Variants in GALNT15 observed in about 807,000 individuals in gnomAD.
GALNT15 encodes UDP-GalNAc transferase T15.
Under a neutral mutation model 66.8 loss-of-function variants are expected in GALNT15, and 67 were observed. That is an observed-to-expected ratio of 1.00 (90% confidence interval 0.82 to 1.23). The LOEUF (loss-of-function observed/expected upper bound fraction) is 1.23, where lower values mean the gene tolerates loss of function less well. Among genes scored for constraint, GALNT15 ranks in the 50% most tolerant of loss-of-function variants. The pLI is 0.00. For missense variants in GALNT15, 827 were observed against 804.3 expected (o/e 1.03, Z -0.34); for synonymous variants, 313 against 311.5 (o/e 1.00, Z -0.05).
In GALNT15 at chr3:16,224,819, A is replaced by G. The variant is rs370401302; in HGVS notation, c.1773+2061A>G. 6.6e-6 allele frequency among the ~76,000 whole-genome samples: 1 copy of G among 151,962 alleles called. No homozygotes were observed. The highest frequency in any genetic ancestry group is 1.5e-5 in the Non-Finnish European group (1 of 67,982). ...GCCCAGCTAATTTTGTATTTTTAGT[A>G]GAGACGGGGTTTCCTCCATGTTGGC... On this transcript the variant is annotated intron_variant, in intron 9 of 9. Coordinates refer to ENST00000339732, the MANE Select transcript of GALNT15 (RefSeq NM_054110.5). This position sits in a 1 kb window ranked among gnomAD's most constrained non-coding sequence, Gnocchi z 5.2.
chr3:16,197,668 G>A (rs1032216306), intron 2 of GALNT15, among the ~76,000 whole-genome samples: 17 of 152,174 alleles, frequency 1.1e-4, no homozygotes, highest in Non-Finnish European at 2.5e-4. Flanking sequence ...TCAGCTAGAT[G>A]GGTTTCAGGG....
At chr3:16,247,557 A>T in the GALNT15 span, among the ~76,000 whole-genome samples, 2 of 152,236 alleles carry the variant, frequency 1.3e-5, no homozygotes, top group Non-Finnish European at 2.9e-5. Context: ...TGCACCCTTC[A>T]ACGGGGCTTG....
At chr3:16,247,129 TG>T in the GALNT15 span, among the ~76,000 whole-genome samples, 1 of 152,028 alleles carries the variant, frequency 6.6e-6, no homozygotes, top group Non-Finnish European at 1.5e-5. Flanking sequence ...TGTGTGTGTG[TG>T]TGTGTCTGTT....
chr3:16,208,393 A>T, intron 3 of GALNT15, 110 bp from the exon 4 acceptor site: 1 of 982,834 alleles, frequency 1.0e-6, no homozygotes, highest in Non-Finnish European at 1.5e-6. Context: ...AACCCATTTT[A>T]GGTACGGGTG....
rs557114377 is a variant in GALNT15, at chr3:16,176,036, C to T, written c.539+346C>T. On this transcript the variant is annotated intron_variant, in intron 1 of 9. Transcript: ENST00000339732. The surrounding 1 kb of genome is among the most constrained non-coding windows in gnomAD (Gnocchi z 5.6). Reference sequence around the variant, plus strand: ...CCGTCCTGGGTTCTAGTTCTTCTGTCTTTAGGTCAAATGGCTTTATTTCTA... The same window carrying T: ...CCGTCCTGGGTTCTAGTTCTTCTGTTTTTAGGTCAAATGGCTTTATTTCTA... Among the ~76,000 whole-genome samples the T allele has an allele frequency of 6.6e-6, 1 of 152,274 alleles. No individual in the cohort carries two copies. Among genetic ancestry groups the T allele is most frequent in the South Asian group, 2.1e-4 (1 of 4,828 alleles).
intron 6 of GALNT15, among the ~76,000 whole-genome samples, chr3:16,214,234 G>A (rs114398044): frequency 0.016 from 2,394 of 152,250 alleles, 70 homozygotes; most frequent in African/African-American, 0.054. Flanking sequence ...TTCTTCTTTA[G>A]TCTCCTTCTC....
chr3:16,212,217 T>G (rs2063822794), intron 5 of GALNT15, among the ~76,000 whole-genome samples: 1 of 151,966 alleles, frequency 6.6e-6, no homozygotes, highest in South Asian at 2.1e-4. Context: ...GATCATCTTT[T>G]TCCCTGAGGA....
chr3:16,177,772 G>A (rs551811041), intron 1 of GALNT15, among the ~76,000 whole-genome samples: 1 of 152,340 alleles, frequency 6.6e-6, no homozygotes, highest in African/African-American at 2.4e-5. Flanking sequence ...TGTTGTAACT[G>A]TGTTTCTTGT....
rs776244969 is a variant in GALNT15 at position 16,175,538 on chromosome 3, A to T, written c.387A>T (p.Glu129Asp). ...LIKQPRRQDK[E>D]APKRDWGADE... ...AGCAGCCAAGGAGGCAGGATAAGGA[A>T]GCCCCAAAGAGGGACTGGGGGGCTG... is the stretch of plus-strand genomic sequence containing the variant. The change falls in exon 1 of 10, where the codon GAA (glutamate) becomes GAT (aspartate). Residue 129 changes from glutamate (E) to aspartate (D), a missense_variant. Transcript: ENST00000339732. This position sits in a 1 kb window ranked among gnomAD's most constrained non-coding sequence, Gnocchi z 5.6. The T allele has an allele frequency of 6.2e-7, 1 of 1,613,946 alleles. No homozygotes were observed. Among genetic ancestry groups the T allele is most frequent in the African/African-American group, 1.3e-5 (1 of 74,902 alleles).
chr3:16,194,215 G>A (rs1001774715), intron 1 of GALNT15, among the ~76,000 whole-genome samples: 3 of 152,214 alleles, frequency 2.0e-5, no homozygotes, highest in Non-Finnish European at 2.9e-5. Flanking sequence ...TTAATTATCA[G>A]ATGAATGTGC....
At chr3:16,222,893 G>C in intron 9 of GALNT15, 135 bp downstream of exon 9, 1 of 1,041,272 alleles carries the variant, frequency 9.6e-7, no homozygotes, top group Non-Finnish European at 1.4e-6. Context: ...TAGTGGCTGG[G>C]CAGTAAGGCC....
the GALNT15 span, among the ~76,000 whole-genome samples, chr3:16,238,622 TA>T: frequency 3.3e-5 from 5 of 152,164 alleles, no homozygotes; most frequent in Non-Finnish European, 7.3e-5. This position sits in a 1 kb window ranked among gnomAD's most constrained non-coding sequence, Gnocchi z 4.8. Context: ...ACAGGCAGAG[TA>T]ATTTTCCTAA....
At chr3:16,245,927 T>C in the GALNT15 span, among the ~76,000 whole-genome samples, 1 of 152,182 alleles carries the variant, frequency 6.6e-6, no homozygotes, top group African/African-American at 2.4e-5. Context: ...CAATATGGTA[T>C]ATGGGTAATA....
rs2063626456 is a variant in GALNT15 at position 16,195,763 on chromosome 3, T to C, written c.543T>C (p.Cys181=). The part of the protein sequence containing the change: ...RALPEVRHPL[C]LQQHPQDSLP... ...TCTCTGGCTCTCTTCCCTGCAGGTG[T>C]CTGCAGCAGCACCCTCAGGACAGCC... is the stretch of plus-strand genomic sequence containing the variant. Residue 181 remains cysteine (C), a synonymous_variant, in exon 2 of 10, where the codon TGT becomes TGC. Transcript: ENST00000339732. The surrounding 1 kb of genome is among the most constrained non-coding windows in gnomAD (Gnocchi z 4.6). 6.2e-7 allele frequency: 1 copy of C among 1,610,766 alleles called. No individual in the cohort carries two copies. The highest frequency in any genetic ancestry group is 1.3e-5 in the African/African-American group (1 of 74,838).
Position 16,208,680 on chromosome 3 carries a change from C to A in GALNT15, c.1079+10C>A. ...CCATAAGCCCCATCAGGTGAGTCCC[C>A]ATTTCACACCTGCTTTGCCATTGCC... On this transcript the variant is annotated intron_variant, in intron 4 of 9. Coordinates refer to ENST00000339732, the MANE Select transcript of GALNT15 (RefSeq NM_054110.5). 6.2e-7 allele frequency: 1 copy of A among 1,611,132 alleles called. No homozygotes were observed. The highest frequency in any genetic ancestry group is 8.5e-7 in the Non-Finnish European group (1 of 1,178,006).
Position 16,229,210 on chromosome 3 carries a change from T to C in GALNT15, c.*1710T>C. 2 of 985,428 alleles carry C rather than the reference T, an allele frequency of 2.0e-6. No homozygotes were observed. Among genetic ancestry groups the C allele is most frequent in the Non-Finnish European group, 2.4e-6 (2 of 829,900 alleles). The allele number at this position is 985,428 out of a possible 1,614,324, so 61.0% of individuals were successfully genotyped here. A position where few individuals can be genotyped will look rare whatever the true frequency, so the allele number is the denominator to read the frequency against. ...ACCTATCATAACTACGTATTCATTG[T>C]CTACCTGCTAAGTCAAGGGTTCACT... is the stretch of plus-strand genomic sequence containing the variant. On this transcript the variant is annotated 3_prime_UTR_variant, in exon 10 of 10. Coordinates refer to ENST00000339732, the MANE Select transcript of GALNT15 (RefSeq NM_054110.5).
rs568970893 is a variant in GALNT15 at position 16,227,958 on chromosome 3, A to G, written c.*458A>G. The G allele has an allele frequency of 1.5e-4, 151 of 993,874 alleles. 1 individual carries two copies. In the South Asian group the frequency reaches 6.0e-3, roughly 40 times the overall value. 61.6% of individuals were successfully genotyped at this position (993,874 alleles called of 1,614,324 possible). On this transcript the variant is annotated 3_prime_UTR_variant, in exon 10 of 10. Transcript: ENST00000339732. The surrounding 1 kb of genome is among the most constrained non-coding windows in gnomAD (Gnocchi z 4.5). ...AGCAGATGTAATGGCCTGACATTCC[A>G]AAAACTCTGAATTGGGTTTATTAGC...
At position 16,206,198 on chromosome 3, in the gene GALNT15, C is replaced by T. The variant is rs186626949; in HGVS notation, c.912-2305C>T. Among the ~76,000 whole-genome samples, 271 of 151,872 alleles carry T rather than the reference C, an allele frequency of 1.8e-3. 2 individuals are homozygous for T. Among genetic ancestry groups the T allele is most frequent in the African/African-American group, 5.5e-3 (229 of 41,392 alleles). ...TTCGAGACTAGCCTCAACAACATGG[C>T]GAAATCCCATTTCTACACGCACACA... On this transcript the variant is annotated intron_variant, in intron 3 of 9. Coordinates refer to ENST00000339732, the MANE Select transcript of GALNT15 (RefSeq NM_054110.5).
chr3:16,190,371 G>A lies in GALNT15; in HGVS notation c.540-5389G>A, dbSNP rs574160600. Reference sequence around the variant, plus strand: ...ATCCCTGGCTAGGCCGGGCATGGTGGCTGACGCCTGTAATCCCAGCACTTT... The same window carrying A: ...ATCCCTGGCTAGGCCGGGCATGGTGACTGACGCCTGTAATCCCAGCACTTT... On this transcript the variant is annotated intron_variant, in intron 1 of 9. Transcript: ENST00000339732. Among the ~76,000 whole-genome samples, 327 of 152,328 alleles carry A rather than the reference G, an allele frequency of 2.1e-3. 1 individual carries two copies. The highest frequency in any genetic ancestry group is 7.3e-3 in the African/African-American group (302 of 41,576).
Sources: gnomAD v4.1 joint callset for allele counts (sites outside exome capture counted in the v4.1 genomes callset) on GRCh38, gnomAD v4.1.1 for gene constraint, Gnocchi (gnomAD v3.1) non-coding constraint, MANE v1.5 for transcripts, NCBI Gene and HGNC (gene_info 2026-07-23, HGNC 2026-07-21) for gene names.